Variants in PIK3CA observed in about 807,000 individuals in gnomAD.
PIK3CA encodes the protein phosphatidylinositol-4,5-bisphosphate 3-kinase catalytic subunit alpha, also known as phosphatidylinositol 4,5-bisphosphate 3-kinase catalytic subunit alpha isoform.
In PIK3CA, 27 loss-of-function variants were observed where a neutral mutation model predicts 138.2. The observed-to-expected ratio is 0.20, with a 90% CI of 0.14 to 0.27. The LOEUF (loss-of-function observed/expected upper bound fraction) is 0.27. Ranked by LOEUF, PIK3CA falls within the 10% of genes least tolerant of loss-of-function variation. PIK3CA has a pLI of 1.00. For synonymous variants in PIK3CA, 358 were observed against 413.2 expected (o/e 0.87, Z 1.62); for missense variants, 544 against 1,277.4 (o/e 0.43, Z 8.75).
At chr3:179,176,628 A>T (rs1302551076) in intron 1 of PIK3CA, among the ~76,000 whole-genome samples, 1 of 152,144 alleles carries the variant, frequency 6.6e-6, no homozygotes, top group Non-Finnish European at 1.5e-5. Context: ...AGATCTTTTC[A>T]TGTCAGTACC....
rs1576950861 is a variant in PIK3CA at position 179,236,305 on chromosome 3, C to CGATA, written c.*1943_*1946dup. ...GAACTTACTTCTGCAAACTGTCTTG[C>CGATA]GATAGTTAAGCAGAATTTAAACTCT... On this transcript the variant is annotated 3_prime_UTR_variant, in exon 21 of 21. Transcript: ENST00000263967. 2 of 207,904 alleles carry CGATA rather than the reference C, an allele frequency of 9.6e-6. No individual in the cohort carries two copies. The highest frequency in any genetic ancestry group is 1.5e-4 in the East Asian group (2 of 13,754). 12.9% of individuals were successfully genotyped at this position (207,904 alleles called of 1,614,324 possible).
At position 179,219,214 on chromosome 3, in the gene PIK3CA, C is replaced by A. The variant is rs1724910055; in HGVS notation, c.1683C>A (p.Ile561=). 1 of 1,598,842 alleles carries A rather than the reference C, an allele frequency of 6.3e-7. No homozygotes were observed. The highest frequency in any genetic ancestry group is 8.6e-7 in the Non-Finnish European group (1 of 1,166,744). The part of the protein sequence containing the change: ...LWSHRHYCVT[I]PEILPKLLLS... The stretch of plus-strand genomic sequence containing the variant: ...CACACAGACACTATTGTGTAACTAT[C>A]CCCGAAATTCTACCCAAATTGCTTC... Residue 561 remains isoleucine, a synonymous_variant, in exon 11 of 21, where the codon ATC becomes ATA. Transcript: ENST00000263967. The surrounding 1 kb of genome is among the most constrained non-coding windows in gnomAD (Gnocchi z 4.2).
intron 1 of PIK3CA, among the ~76,000 whole-genome samples, chr3:179,162,490 C>T (rs564973921): frequency 7.0e-4 from 107 of 152,034 alleles, no homozygotes; most frequent in African/African-American, 2.6e-3. Flanking sequence ...GGATTACATG[C>T]CTAAGTTAGA....
intron 1 of PIK3CA, among the ~76,000 whole-genome samples, chr3:179,190,807 A>G (rs1026837975): frequency 6.6e-6 from 1 of 152,200 alleles, no homozygotes; most frequent in Non-Finnish European, 1.5e-5. Flanking sequence ...CCTACAAAGT[A>G]TGAGACTCAG....
At chr3:179,228,419 T>G (rs1042518511) in intron 17 of PIK3CA, among the ~76,000 whole-genome samples, 16 of 152,094 alleles carry the variant, frequency 1.1e-4, no homozygotes, top group African/African-American at 3.9e-4. Flanking sequence ...ATGAAAAGTT[T>G]ATTGATACAG....
chr3:179,169,103 A>T (rs1214910290), intron 1 of PIK3CA: 1 of 152,144 alleles, frequency 6.6e-6, no homozygotes, highest in Non-Finnish European at 1.5e-5. Context: ...CCTGAGGAAA[A>T]CATAGCACCA....
chr3:179,202,478 A>G (rs1416190365), intron 4 of PIK3CA, among the ~76,000 whole-genome samples: 1 of 151,950 alleles, frequency 6.6e-6, no homozygotes, highest in African/African-American at 2.4e-5. Flanking sequence ...ATACTTTCCT[A>G]CTCTCTTTTT....
chr3:179,226,564 T>TA (rs1238299399), intron 17 of PIK3CA, among the ~76,000 whole-genome samples: 4 of 152,126 alleles, frequency 2.6e-5, no homozygotes, highest in Non-Finnish European at 4.4e-5. Flanking sequence ...TGTTCTTCCT[T>TA]ACCTGACTTG....
intron 1 of PIK3CA, among the ~76,000 whole-genome samples, chr3:179,187,069 T>C (rs1019971157): frequency 6.6e-6 from 1 of 152,064 alleles, no homozygotes; most frequent in African/African-American, 2.4e-5. Flanking sequence ...AAAATTACCC[T>C]CTATATGATA....
rs899283394 is a variant in PIK3CA at position 179,234,422 on chromosome 3, T to C, written c.*58T>C. 4.8e-6 allele frequency: 7 copies of C among 1,452,840 alleles called. No individual in the cohort carries two copies. The highest frequency in any genetic ancestry group is 6.5e-6 in the Non-Finnish European group (7 of 1,070,786). 90.0% of individuals were successfully genotyped at this position (1,452,840 alleles called of 1,614,324 possible). ...GATTCCACACTGCACTGTTAATAAC[T>C]CTCAGCAGGCAAAGACCGATTGCAT... On this transcript the variant is annotated 3_prime_UTR_variant, in exon 21 of 21. Coordinates refer to ENST00000263967, the MANE Select transcript of PIK3CA (RefSeq NM_006218.4). The surrounding 1 kb of genome is among the most constrained non-coding windows in gnomAD (Gnocchi z 5.1).
chr3:179,191,131 T>C (rs1724124014), intron 1 of PIK3CA, among the ~76,000 whole-genome samples: 1 of 152,202 alleles, frequency 6.6e-6, no homozygotes, highest in South Asian at 2.1e-4. Context: ...GAGAAAGCCC[T>C]TTCTTCACTT....
chr3:179,158,693 A>G (rs889630288), intron 1 of PIK3CA, among the ~76,000 whole-genome samples: 3 of 152,180 alleles, frequency 2.0e-5, no homozygotes, highest in East Asian at 1.9e-4. Context: ...AGGACACTCA[A>G]TGGACATGTG....
intron 1 of PIK3CA, among the ~76,000 whole-genome samples, chr3:179,173,404 CAAAAAAAAAA>C (rs749831764): frequency 4.6e-5 from 2 of 43,110 alleles, no homozygotes; most frequent in African/African-American, 7.9e-5. Context: ...GCTAAAAATA[CAAAAAAAAAA>C]AAAAAAAAAA....
intron 1 of PIK3CA, among the ~76,000 whole-genome samples, chr3:179,188,418 A>C (rs1234092086): frequency 1.3e-5 from 2 of 152,244 alleles, no homozygotes; most frequent in Non-Finnish European, 1.5e-5. Flanking sequence ...ATTGGAGACC[A>C]AGTATTGTAC....
chr3:179,172,820 G>A (rs1723592658), intron 1 of PIK3CA, among the ~76,000 whole-genome samples: 1 of 152,094 alleles, frequency 6.6e-6, no homozygotes, highest in Non-Finnish European at 1.5e-5. Context: ...GAAATTGACA[G>A]GCTGGTTTTA....
chr3:179,224,065 C>CT lies in PIK3CA; in HGVS notation c.2188-7dup, dbSNP rs35213509. The CT allele has an allele frequency of 9.8e-4, 1,351 of 1,377,210 alleles. No homozygotes were observed. The highest frequency in any genetic ancestry group is 1.1e-3 in the Non-Finnish European group (1,108 of 976,524). The allele number at this position is 1,377,210 out of a possible 1,614,324, so 85.3% of individuals were successfully genotyped here. A position where few individuals can be genotyped will look rare whatever the true frequency, so the allele number is the denominator to read the frequency against. ...AAGTCAGTTTCTTACTGTGACTATC[C>CT]TTTTTTTTTAATCAGGTACAGATGA... On this transcript the variant is annotated splice_polypyrimidine_tract_variant and intron_variant, in intron 14 of 20. Transcript: ENST00000263967.
chr3:179,229,195 T>A (rs2108422182), intron 17 of PIK3CA, 77 bp from the exon 18 acceptor site: 1 of 1,116,080 alleles, frequency 9.0e-7, no homozygotes, highest in Non-Finnish European at 1.3e-6. Context: ...AATAAAATAC[T>A]CATGTTTTAG....
chr3:179,173,221 A>G (rs1305197377), intron 1 of PIK3CA, among the ~76,000 whole-genome samples: 4 of 151,932 alleles, frequency 2.6e-5, no homozygotes, highest in South Asian at 2.1e-4. Flanking sequence ...CTGATTTTCA[A>G]CAAAGGTGCC....
In PIK3CA at chr3:179,234,298, T is replaced by C; in HGVS notation, c.3141T>C (p.His1047=). ...TCATGAAACAAATGAATGATGCACA[T>C]CATGGTGGCTGGACAACAAAAATGG... The part of the protein sequence containing the change: ...EYFMKQMNDA[H]HGGWTTKMDW... Residue 1047 remains histidine, a synonymous_variant, in exon 21 of 21, where the codon CAT becomes CAC. Transcript: ENST00000263967. The surrounding 1 kb of genome is among the most constrained non-coding windows in gnomAD (Gnocchi z 5.1). 6.2e-7 allele frequency: 1 copy of C among 1,613,424 alleles called. No individual in the cohort carries two copies. Among genetic ancestry groups the C allele is most frequent in the Non-Finnish European group, 8.5e-7 (1 of 1,179,576 alleles).
Sources: allele counts gnomAD v4.1 joint callset (sites outside exome capture counted in the v4.1 genomes callset), GRCh38; gene constraint gnomAD v4.1.1; non-coding constraint Gnocchi (gnomAD v3.1); transcripts MANE v1.5; gene names NCBI Gene and HGNC (gene_info 2026-07-23, HGNC 2026-07-21).